The following IPO5 variants were observed in gnomAD, a reference collection of about 807,000 sequenced individuals.
IPO5 encodes the protein importin-5.
IPO5 carries 18 observed loss-of-function variants against 143.3 expected under a neutral mutation model. The ratio of observed to expected loss-of-function variants is 0.13; its 90% CI spans 0.09 to 0.19. The LOEUF (loss-of-function observed/expected upper bound fraction) is 0.19. Among genes scored for constraint, IPO5 ranks in the 10% least tolerant of loss-of-function variants. IPO5 has a pLI of 1.00. For synonymous variants in IPO5, 477 were observed against 465.7 expected, an observed-to-expected ratio of 1.02 and a Z score of -0.31; for missense variants, 1,013 against 1,336.9, an observed-to-expected ratio of 0.76 and a Z score of 3.78.
At chr13:97,989,636 C>A (rs1408641417) in intron 7 of IPO5, among the ~76,000 whole-genome samples, 1 of 152,176 alleles carries the variant, frequency 6.6e-6, no homozygotes, top group Non-Finnish European at 1.5e-5. Flanking sequence ...AGTGATTATT[C>A]TTTGCCCCAC....
chr13:98,023,348 A>G lies in IPO5; in HGVS notation c.*1526A>G, dbSNP rs1682179238. The G allele has an allele frequency of 6.6e-6, 1 of 152,186 alleles. No individual in the cohort carries two copies. Among genetic ancestry groups the G allele is most frequent in the African/African-American group, 2.4e-5 (1 of 41,438 alleles). 9.4% of individuals were successfully genotyped at this position (152,186 alleles called of 1,614,324 possible). A position where few individuals can be genotyped will look rare whatever the true frequency, so the allele number is the denominator to read the frequency against. The stretch of plus-strand genomic sequence containing the variant: ...TTATAGCCTGTATTCCTTGGGAGAA[A>G]AAAATGGGAATTGGAGTAAAAAGTG... On this transcript the variant is annotated 3_prime_UTR_variant, in exon 29 of 29. Coordinates refer to ENST00000651721, the MANE Select transcript of IPO5 (RefSeq NM_002271.6).
At chr13:98,004,111 A>G (rs1275171839) in intron 16 of IPO5, among the ~76,000 whole-genome samples, 1 of 152,246 alleles carries the variant, frequency 6.6e-6, no homozygotes, top group Admixed American at 6.5e-5. Flanking sequence ...ATGAAAATGG[A>G]TTACTACTAT....
At chr13:97,977,249 C>A (rs1003377803) in intron 4 of IPO5, among the ~76,000 whole-genome samples, 1 of 152,202 alleles carries the variant, frequency 6.6e-6, no homozygotes, top group African/African-American at 2.4e-5. Flanking sequence ...CTGCTTCTAC[C>A]CCTGCTCATC....
At chr13:97,973,846 G>T (rs945935451) in intron 3 of IPO5, among the ~76,000 whole-genome samples, 8 of 152,276 alleles carry the variant, frequency 5.3e-5, no homozygotes, top group Non-Finnish European at 8.8e-5. Flanking sequence ...AAAGTGGGAG[G>T]ATCGCCCGAA....
chr13:97,968,974 C>A (rs908221305), intron 2 of IPO5, among the ~76,000 whole-genome samples: 1 of 151,928 alleles, frequency 6.6e-6, no homozygotes, highest in East Asian at 1.9e-4. Context: ...CAGGCGCCTG[C>A]CACTACGCCT....
chr13:97,999,254 T>G (rs1888556954), intron 12 of IPO5, among the ~76,000 whole-genome samples: 1 of 152,218 alleles, frequency 6.6e-6, no homozygotes, highest in South Asian at 2.1e-4. Flanking sequence ...ATATATGCAT[T>G]TTTGAGACTT....
intron 11 of IPO5, among the ~76,000 whole-genome samples, chr13:97,995,609 A>T (rs951157198): frequency 2.7e-4 from 41 of 150,542 alleles, no homozygotes; most frequent in African/African-American, 9.8e-4. Flanking sequence ...GCAAAAAATT[A>T]GCCGGGCGTG....
chr13:97,969,712 T>C lies in IPO5; in HGVS notation c.-112-11T>C, dbSNP rs1036868550. ...ATCTAATGGTCCACCATTCTGTTTC[T>C]GTCAAATCAGCAGAGGAAAGAAATT... On this transcript the variant is annotated splice_polypyrimidine_tract_variant and intron_variant, in intron 2 of 28. Coordinates refer to ENST00000651721, the MANE Select transcript of IPO5 (RefSeq NM_002271.6). 1.7e-6 allele frequency: 2 copies of C among 1,163,426 alleles called. No individual in the cohort carries two copies. The highest frequency in any genetic ancestry group is 1.2e-5 in the South Asian group (1 of 81,122). The allele number at this position is 1,163,426 out of a possible 1,614,324, so 72.1% of individuals were successfully genotyped here. A position where few individuals can be genotyped will look rare whatever the true frequency, so the allele number is the denominator to read the frequency against.
intron 1 of IPO5, 112 bp from the exon 2 acceptor site, chr13:97,954,007 T>A (rs1884291401): frequency 1.9e-5 from 8 of 425,960 alleles, no homozygotes. Context: ...TAACTCTGTA[T>A]CCTTAAGGAG....
chr13:97,994,903 A>G (rs1888114779), intron 11 of IPO5, among the ~76,000 whole-genome samples: 1 of 152,100 alleles, frequency 6.6e-6, no homozygotes, highest in Non-Finnish European at 1.5e-5. Context: ...AGGTGGGTAA[A>G]TTATGTGAGC....
At chr13:97,990,306 A>G in intron 8 of IPO5, 84 bp downstream of exon 8, 1 of 1,157,602 alleles carries the variant, frequency 8.6e-7, no homozygotes, top group Admixed American at 2.2e-5. Flanking sequence ...GGTTGTTTTC[A>G]CTTTTATACT....
intron 3 of IPO5, chr13:97,975,671 CAGCCCTG>C (rs1566469641): frequency 1.3e-5 from 2 of 152,242 alleles, no homozygotes; most frequent in African/African-American, 4.8e-5. Context: ...TTGAGATAAT[CAGCCCTG>C]TAAACCAGGG....
chr13:98,000,112 G>A (rs1171011766), intron 12 of IPO5, among the ~76,000 whole-genome samples: 4 of 152,004 alleles, frequency 2.6e-5, no homozygotes, highest in African/African-American at 9.7e-5. Context: ...GTGAAACCCC[G>A]TCTCTACTAA....
At chr13:97,973,492 C>T (rs1821928954) in intron 3 of IPO5, among the ~76,000 whole-genome samples, 1 of 152,112 alleles carries the variant, frequency 6.6e-6, no homozygotes, top group Admixed American at 6.6e-5. Context: ...AAATACAGTC[C>T]CCACTTAGGA....
chr13:97,964,272 C>T (rs1594014453), intron 2 of IPO5, among the ~76,000 whole-genome samples: 2 of 151,956 alleles, frequency 1.3e-5, no homozygotes, highest in African/African-American at 4.8e-5. Flanking sequence ...ATTGCCCATG[C>T]CTATGTCCTA....
intron 8 of IPO5, 105 bp from the exon 9 acceptor site, chr13:97,990,328 A>T: frequency 8.7e-7 from 1 of 1,148,396 alleles, no homozygotes; most frequent in South Asian, 1.3e-5. Flanking sequence ...TAAAATACAA[A>T]CACCAGTTTT....
intron 6 of IPO5, among the ~76,000 whole-genome samples, chr13:97,986,315 A>G (rs940798666): frequency 1.3e-5 from 2 of 152,192 alleles, no homozygotes; most frequent in African/African-American, 4.8e-5. Flanking sequence ...GTGTGGTGAC[A>G]AATATATACA....
At chr13:98,010,780 CTTTT>C (rs71117688) in intron 20 of IPO5, among the ~76,000 whole-genome samples, 5 of 70,026 alleles carry the variant, frequency 7.1e-5, no homozygotes, top group East Asian at 5.3e-4. Flanking sequence ...AAGGATAATC[CTTTT>C]TTTTTTTTTT....
intron 2 of IPO5, among the ~76,000 whole-genome samples, chr13:97,961,980 T>G (rs1263517223): frequency 6.6e-6 from 1 of 151,918 alleles, no homozygotes; most frequent in African/African-American, 2.4e-5. Flanking sequence ...AATACAAAAA[T>G]TAGCTGGGCG....
Sources: gnomAD v4.1 joint callset for allele counts (sites outside exome capture counted in the v4.1 genomes callset) on GRCh38, gnomAD v4.1.1 for gene constraint, MANE v1.5 for transcripts, NCBI Gene and HGNC (gene_info 2026-07-23, HGNC 2026-07-21) for gene names.